AGK: variants seen among roughly 807,000 people sequenced by gnomAD.
AGK encodes acylglycerol kinase.
A neutral mutation model predicts 66.4 loss-of-function variants in AGK; 52 were observed. The ratio of observed to expected loss-of-function variants is 0.78; its 90% CI spans 0.63 to 0.99. AGK has a LOEUF of 0.99. Among genes scored for constraint, AGK ranks in the 50% least tolerant of loss-of-function variants. The pLI is 0.00. For missense variants in AGK, 451 were observed against 506.6 expected, an observed-to-expected ratio of 0.89 and a Z score of 1.05; for synonymous variants, 182 against 181.1, an observed-to-expected ratio of 1.00 and a Z score of -0.04.
chr7:141,646,839 T>C (rs1349324032), intron 13 of AGK, among the ~76,000 whole-genome samples: 1 of 152,218 alleles, frequency 6.6e-6, no homozygotes, highest in African/African-American at 2.4e-5. Context: ...GAGAGAGACC[T>C]CATGGTCTGC....
chr7:141,600,951 A>C (rs1796327086), intron 4 of AGK, among the ~76,000 whole-genome samples: 1 of 152,176 alleles, frequency 6.6e-6, no homozygotes, highest in Non-Finnish European at 1.5e-5. Flanking sequence ...TTTGTGAACT[A>C]TAAGCCTCCC....
intron 2 of AGK, among the ~76,000 whole-genome samples, chr7:141,568,906 T>G (rs908836481): frequency 2.6e-5 from 4 of 152,134 alleles, no homozygotes; most frequent in South Asian, 2.1e-4. Context: ...AGCATCTAGC[T>G]TCTCAGCTTA....
intron 9 of AGK, among the ~76,000 whole-genome samples, chr7:141,622,485 A>G (rs1796848874): frequency 6.6e-6 from 1 of 152,208 alleles, no homozygotes; most frequent in African/African-American, 2.4e-5. Context: ...AATCCTCACA[A>G]TACCTCAACC....
rs1796655897 is a variant in AGK at position 141,614,158 on chromosome 7, G to A, written c.403G>A (p.Val135Ile). The A allele has an allele frequency of 6.5e-7, 1 of 1,539,288 alleles. No individual in the cohort carries two copies. Among genetic ancestry groups the A allele is most frequent in the Non-Finnish European group, 8.8e-7 (1 of 1,131,502 alleles). The change falls in exon 7 of 16, where the codon GTT becomes ATT. Residue 135 changes from valine (V) to isoleucine (I), a missense_variant. Val to Ile is a conservative substitution (Grantham distance 29). Transcript: ENST00000649286. ...ATTACATTTGTAGGTTGTTACTGGT[G>A]TTCTTCGACGAACAGATGAGGTGAG... is the stretch of plus-strand genomic sequence containing the variant. ...DGTLQEVVTG[V>I]LRRTDEATFS...
rs574516946 is a variant in AGK, at chr7:141,557,983, CA to C, written c.101+2417del. Among the ~76,000 whole-genome samples, 440 of 152,240 alleles carry C rather than the reference CA, an allele frequency of 2.9e-3. 4 individuals are homozygous for C. Among genetic ancestry groups the C allele is most frequent in the African/African-American group, 9.8e-3 (408 of 41,554 alleles). The stretch of plus-strand genomic sequence containing the variant: ...TCTTGCAAAACTGAAACTCTGTACC[CA>C]TTGAACAACTGCCCATTCCCGCCCC... On this transcript the variant is annotated intron_variant, in intron 2 of 15. Coordinates refer to ENST00000649286, the MANE Select transcript of AGK (RefSeq NM_018238.4).
At chr7:141,558,027 C>G (rs1312017291) in intron 2 of AGK, among the ~76,000 whole-genome samples, 1 of 152,198 alleles carries the variant, frequency 6.6e-6, no homozygotes, top group Non-Finnish European at 1.5e-5. Flanking sequence ...CTGTCCTTGA[C>G]AACCACTATT....
rs189868800 is a variant in AGK at position 141,566,302 on chromosome 7, A to G, written c.101+10735A>G. ...TTTTCTGTTGTTTGTTTCTTCTGTTATAAGACTCTACAGGCAGGGGTGCTG... is the reference window on the plus strand; with the variant it reads ...TTTTCTGTTGTTTGTTTCTTCTGTTGTAAGACTCTACAGGCAGGGGTGCTG... On this transcript the variant is annotated intron_variant, in intron 2 of 15. Coordinates refer to ENST00000649286, the MANE Select transcript of AGK (RefSeq NM_018238.4). Among the ~76,000 whole-genome samples the G allele has an allele frequency of 2.0e-3, 306 of 152,324 alleles. 1 individual carries two copies. Among genetic ancestry groups the G allele is most frequent in the South Asian group, 3.5e-3 (17 of 4,830 alleles).
rs539653734 is a variant in AGK, at chr7:141,590,857, A to C, written c.102-2289A>C. On this transcript the variant is annotated intron_variant, in intron 2 of 15. Transcript: ENST00000649286. The stretch of plus-strand genomic sequence containing the variant: ...GTTATTTCCTGTGGGTCATTCAAAA[A>C]AACATGAATATTTGTGAATACTGGG... 2.0e-5 allele frequency among the ~76,000 whole-genome samples: 3 copies of C among 152,288 alleles called. No homozygotes were observed. The East Asian group carries it at 5.8e-4, about 29-fold the overall frequency.
chr7:141,569,882 T>C (rs151095250), intron 2 of AGK, among the ~76,000 whole-genome samples: 1 of 152,276 alleles, frequency 6.6e-6, no homozygotes, highest in African/African-American at 2.4e-5. Flanking sequence ...ATAAAATCCA[T>C]TTGGAATAAG....
At chr7:141,586,196 A>G (rs554697557) in intron 2 of AGK, among the ~76,000 whole-genome samples, 1 of 151,784 alleles carries the variant, frequency 6.6e-6, no homozygotes, top group South Asian at 2.1e-4. Flanking sequence ...CTTCCATTAC[A>G]CTCTACACAC....
intron 2 of AGK, among the ~76,000 whole-genome samples, chr7:141,578,894 C>G (rs1795815779): frequency 6.6e-6 from 1 of 152,014 alleles, no homozygotes; most frequent in African/African-American, 2.4e-5. Context: ...TATTTATGTA[C>G]TTTAAGAGGG....
rs1463586037 is a variant in AGK at position 141,629,758 on chromosome 7, T to C, written c.589-4143T>C. 1.1e-4 allele frequency among the ~76,000 whole-genome samples: 17 copies of C among 152,264 alleles called. No homozygotes were observed. The East Asian group carries it at 2.9e-3, about 26-fold the overall frequency. On this transcript the variant is annotated intron_variant, in intron 9 of 15. Transcript: ENST00000649286. ...GGTCACAAGGCTTTTTATTTAATTCTAATGGAATGTTCCTAAAAACTCTTC... is the reference window on the plus strand; with the variant it reads ...GGTCACAAGGCTTTTTATTTAATTCCAATGGAATGTTCCTAAAAACTCTTC...
At chr7:141,622,915 A>AT (rs1049747968) in intron 9 of AGK, among the ~76,000 whole-genome samples, 47 of 150,820 alleles carry the variant, frequency 3.1e-4, no homozygotes, top group African/African-American at 1.1e-3. Context: ...TTAGCTGGGC[A>AT]TTTAAAAAAA....
intron 2 of AGK, among the ~76,000 whole-genome samples, chr7:141,591,082 GTTTTTTTTTTTTT>G (rs60762855): frequency 0.029 from 1,805 of 61,278 alleles, 78 homozygotes; most frequent in African/African-American, 0.096. Flanking sequence ...TTCTTAAGTT[GTTTTTTTTTTTTT>G]TTTTTTTTTT....
At chr7:141,553,990 A>G (rs1344542636) in intron 1 of AGK, among the ~76,000 whole-genome samples, 3 of 152,180 alleles carry the variant, frequency 2.0e-5, no homozygotes, top group Non-Finnish European at 4.4e-5. Context: ...AGTACATTGC[A>G]ATTTTAAAAA....
At chr7:141,605,761 T>G (rs1318375139) in intron 5 of AGK, among the ~76,000 whole-genome samples, 1 of 152,170 alleles carries the variant, frequency 6.6e-6, no homozygotes, top group Admixed American at 6.5e-5. Flanking sequence ...ACCTGCTCAG[T>G]TATACAATTA....
chr7:141,603,967 T>TA (rs1796394489), intron 5 of AGK, among the ~76,000 whole-genome samples: 1 of 152,210 alleles, frequency 6.6e-6, no homozygotes. Context: ...TTTATCATCT[T>TA]ACACTGTCTA....
At chr7:141,564,558 A>T (rs563299260) in intron 2 of AGK, among the ~76,000 whole-genome samples, 6 of 152,164 alleles carry the variant, frequency 3.9e-5, no homozygotes, top group African/African-American at 1.4e-4. Flanking sequence ...ACACATGGGG[A>T]TTATGGGAAC....
chr7:141,622,317 G>A (rs1796844402), intron 9 of AGK, among the ~76,000 whole-genome samples: 1 of 152,036 alleles, frequency 6.6e-6, no homozygotes, highest in South Asian at 2.1e-4. Context: ...TTGTTATACA[G>A]GCATACCTCA....
Sources: allele counts gnomAD v4.1 joint callset (sites outside exome capture counted in the v4.1 genomes callset), GRCh38; gene constraint gnomAD v4.1.1; transcripts MANE v1.5; gene names NCBI Gene and HGNC (gene_info 2026-07-23, HGNC 2026-07-21).